Variants in ZNF143 observed in about 807,000 individuals in gnomAD.
ZNF143 encodes zinc finger protein 143.
In ZNF143, 49 loss-of-function variants were observed where a neutral mutation model predicts 74.1. The ratio of observed to expected loss-of-function variants is 0.66; its 90% confidence interval spans 0.53 to 0.84. ZNF143 has a LOEUF of 0.84. Among genes scored for constraint, ZNF143 ranks in the 40% least tolerant of loss-of-function variants. The probability of loss-of-function intolerance (pLI) is 0.00; values close to 1 mark genes in which losing one functional copy is unlikely to be tolerated. For missense variants in ZNF143, 637 were observed against 793.4 expected, an observed-to-expected ratio of 0.80 and a Z score of 2.37; for synonymous variants, 304 against 282.8, an observed-to-expected ratio of 1.07 and a Z score of -0.75.
chr11:9,524,389 A>G (rs1849052645), intron 14 of ZNF143, among the ~76,000 whole-genome samples: 1 of 152,194 alleles, frequency 6.6e-6, no homozygotes, highest in Non-Finnish European at 1.5e-5. Context: ...GGTTAGCCCA[A>G]TATAAGCTAC....
At chr11:9,477,181 T>C (rs1443152546) in intron 5 of ZNF143, among the ~76,000 whole-genome samples, 1 of 128,962 alleles carries the variant, frequency 7.8e-6, no homozygotes, top group East Asian at 2.4e-4. Context: ...CTCCTCTCCC[T>C]TCCCTCCTTT....
intron 14 of ZNF143, among the ~76,000 whole-genome samples, chr11:9,523,249 G>A (rs1849001964): frequency 6.6e-6 from 1 of 152,064 alleles, no homozygotes; most frequent in Admixed American, 6.6e-5. Flanking sequence ...GTTGCTATAA[G>A]GTCTTAGGGT....
intron 7 of ZNF143, among the ~76,000 whole-genome samples, chr11:9,480,863 G>A (rs532773149): frequency 5.3e-5 from 8 of 150,702 alleles, no homozygotes; most frequent in Non-Finnish European, 1.2e-4. Flanking sequence ...CTCCAGCCTG[G>A]GCAACAAGAA....
chr11:9,519,063 A>G (rs1213477644), intron 14 of ZNF143, among the ~76,000 whole-genome samples: 1 of 152,228 alleles, frequency 6.6e-6, no homozygotes, highest in Non-Finnish European at 1.5e-5. Context: ...TTTACAATTC[A>G]ATGAGTTATG....
At chr11:9,476,950 G>A (rs570299818) in intron 5 of ZNF143, among the ~76,000 whole-genome samples, 23 of 149,964 alleles carry the variant, frequency 1.5e-4, no homozygotes, top group African/African-American at 5.1e-4. Context: ...TTTTAGTAGA[G>A]GCGGGGTTTC....
intron 14 of ZNF143, among the ~76,000 whole-genome samples, chr11:9,522,630 A>C (rs1278357718): frequency 6.6e-6 from 1 of 152,272 alleles, no homozygotes; most frequent in East Asian, 1.9e-4. Flanking sequence ...AGTAGCTGGG[A>C]TTACAAGCAC....
intron 3 of ZNF143, among the ~76,000 whole-genome samples, chr11:9,473,390 T>A (rs1201984041): frequency 2.7e-4 from 20 of 73,626 alleles, no homozygotes; most frequent in African/African-American, 1.0e-3. Context: ...AAACTCTGTC[T>A]CAAAAAAAAA....
rs1430570549 is a variant in ZNF143, at chr11:9,504,615, C to T, written c.1147+3345C>T. Among the ~76,000 whole-genome samples the T allele has an allele frequency of 3.2e-5, 4 of 123,488 alleles. 1 individual carries two copies. Among genetic ancestry groups the T allele is most frequent in the African/African-American group, 1.0e-4 (4 of 38,590 alleles). 81.0% of individuals were successfully genotyped at this position (123,488 alleles called of 152,430 possible). The stretch of plus-strand genomic sequence containing the variant: ...AAAATTTTAATATATTGTTTTATTA[C>T]TGGTATTAAGAGTAAACTTGTGTTA... On this transcript the variant is annotated intron_variant, in intron 11 of 15. Transcript: ENST00000396602.
At chr11:9,503,527 C>G in intron 11 of ZNF143, among the ~76,000 whole-genome samples, 1 of 152,102 alleles carries the variant, frequency 6.6e-6, no homozygotes, top group East Asian at 1.9e-4. Context: ...TGTTATTATC[C>G]CAGCTAACAG....
intron 13 of ZNF143, among the ~76,000 whole-genome samples, chr11:9,514,994 G>C (rs1400489387): frequency 6.6e-5 from 10 of 152,152 alleles, no homozygotes. Flanking sequence ...CGGGTGTGGT[G>C]GTGCATGCCT....
intron 1 of ZNF143, among the ~76,000 whole-genome samples, chr11:9,465,045 G>A (rs1856113634): frequency 6.6e-6 from 1 of 152,136 alleles, no homozygotes; most frequent in Non-Finnish European, 1.5e-5. Context: ...AATAAAAAAA[G>A]CTGAATACAA....
intron 7 of ZNF143, among the ~76,000 whole-genome samples, chr11:9,481,853 A>C (rs111411191): frequency 0.069 from 9,951 of 145,028 alleles, 373 homozygotes; most frequent in Non-Finnish European, 0.076. Flanking sequence ...GTGCCACTGC[A>C]CCCCAGCCTG....
At chr11:9,472,571 C>G in intron 2 of ZNF143, 106 bp from the exon 3 acceptor site, 2 of 966,194 alleles carry the variant, frequency 2.1e-6, no homozygotes, top group Non-Finnish European at 1.6e-6. Context: ...CATTTTGAGT[C>G]TGAGTTAAGC....
At chr11:9,462,674 G>A (rs1474208894) in intron 1 of ZNF143, among the ~76,000 whole-genome samples, 3 of 152,104 alleles carry the variant, frequency 2.0e-5, no homozygotes, top group Non-Finnish European at 4.4e-5. Flanking sequence ...AGGAGTTCGA[G>A]ACCAGTCTGG....
intron 1 of ZNF143, chr11:9,461,872 G>A (rs1375184303): frequency 6.6e-6 from 1 of 152,170 alleles, no homozygotes; most frequent in Non-Finnish European, 1.5e-5. Context: ...ACCATTGCCA[G>A]CCCATTATTT....
chr11:9,520,677 T>C (rs1422991647), intron 14 of ZNF143, among the ~76,000 whole-genome samples: 1 of 152,086 alleles, frequency 6.6e-6, no homozygotes, highest in Non-Finnish European at 1.5e-5. Flanking sequence ...TAGTCCCAGC[T>C]ACTCAGGAGG....
intron 14 of ZNF143, among the ~76,000 whole-genome samples, chr11:9,524,782 T>G (rs1849065606): frequency 6.6e-6 from 1 of 152,188 alleles, no homozygotes; most frequent in Admixed American, 6.5e-5. Context: ...GTAGTACCAC[T>G]GGTCCTTTCA....
chr11:9,494,246 A>G (rs1316146054), intron 7 of ZNF143, among the ~76,000 whole-genome samples: 2 of 152,188 alleles, frequency 1.3e-5, no homozygotes, highest in Non-Finnish European at 2.9e-5. Flanking sequence ...AAACCCACAT[A>G]ACAGTTTTGT....
At chr11:9,520,936 G>A (rs1331279847) in intron 14 of ZNF143, among the ~76,000 whole-genome samples, 1 of 152,088 alleles carries the variant, frequency 6.6e-6, no homozygotes, top group Non-Finnish European at 1.5e-5. Flanking sequence ...ATATCACTTG[G>A]TTATGATGTA....
Sources: gnomAD v4.1 joint callset for allele counts (sites outside exome capture counted in the v4.1 genomes callset) on GRCh38, gnomAD v4.1.1 for gene constraint, MANE v1.5 for transcripts, NCBI Gene and HGNC (gene_info 2026-07-23, HGNC 2026-07-21) for gene names.